Variants in BRINP3 observed in about 807,000 individuals in gnomAD.
BRINP3 encodes BMP/retinoic acid inducible neural specific 3.
A neutral mutation model predicts 71.0 loss-of-function variants in BRINP3; 19 were observed. That is an observed-to-expected ratio of 0.27 (90% CI 0.19 to 0.39). The LOEUF (loss-of-function observed/expected upper bound fraction) is 0.39. Ranked by LOEUF, BRINP3 falls within the 10% of genes least tolerant of loss-of-function variation. The probability of loss-of-function intolerance (pLI) is 1.00; values close to 1 mark genes in which losing one functional copy is unlikely to be tolerated. For missense variants in BRINP3, 959 were observed against 940.8 expected, an observed-to-expected ratio of 1.02 and a Z score of -0.25; for synonymous variants, 380 against 337.7, an observed-to-expected ratio of 1.13 and a Z score of -1.37.
chr1:190,148,653 TC>T (rs1656122583), intron 7 of BRINP3, among the ~76,000 whole-genome samples: 2 of 147,370 alleles, frequency 1.4e-5, no homozygotes, highest in Non-Finnish European at 3.0e-5. Flanking sequence ...ATAAATAAAT[TC>T]TATCTCCTCA....
At chr1:190,398,464 T>G (rs1423809535) in intron 2 of BRINP3, among the ~76,000 whole-genome samples, 1 of 152,004 alleles carries the variant, frequency 6.6e-6, no homozygotes, top group Non-Finnish European at 1.5e-5. Context: ...TGAATTTGTG[T>G]CTCATGTACT....
At chr1:190,360,016 C>T (rs1381388976) in intron 2 of BRINP3, among the ~76,000 whole-genome samples, 2 of 152,134 alleles carry the variant, frequency 1.3e-5, no homozygotes, top group South Asian at 2.1e-4. Context: ...AGACTCACTT[C>T]AGGCTATAAA....
intron 6 of BRINP3, among the ~76,000 whole-genome samples, chr1:190,219,605 C>T (rs998167036): frequency 1.1e-4 from 16 of 151,668 alleles, no homozygotes; most frequent in African/African-American, 2.7e-4. Flanking sequence ...TTTGGGAGGC[C>T]GAGGTGGGTG....
At chr1:190,344,407 TCAACTATGATTGCTGAATTGGCCATCAA>T (rs1234676936) in intron 2 of BRINP3, among the ~76,000 whole-genome samples, 1 of 151,870 alleles carries the variant, frequency 6.6e-6, no homozygotes, top group Non-Finnish European at 1.5e-5. Context: ...GAGCTGTACT[TCAACTATGATTGCTGAATTGGCCATCAA>T]CAACAGTACC....
chr1:190,441,960 A>G (rs1674851879), intron 2 of BRINP3, among the ~76,000 whole-genome samples: 1 of 152,164 alleles, frequency 6.6e-6, no homozygotes, highest in Admixed American at 6.5e-5. Flanking sequence ...ATAAATGGGA[A>G]TTAGAAAGCA....
intron 3 of BRINP3, among the ~76,000 whole-genome samples, chr1:190,279,630 C>T (rs1360013058): frequency 1.3e-5 from 2 of 151,774 alleles, no homozygotes; most frequent in Non-Finnish European, 2.9e-5. Context: ...CCTTAGCCGC[C>T]TATATTTTTC....
Position 190,100,196 on chromosome 1 carries a change from G to A in BRINP3, c.1185-1062C>T, listed in dbSNP as rs200733478. On this transcript the variant is annotated intron_variant, in intron 7 of 7. Coordinates refer to ENST00000367462, the MANE Select transcript of BRINP3 (RefSeq NM_199051.3). ...AATATTGCAAAGTGTCTGTTTCACAGTAGATACACAACAATTCCATTTTTG... is the reference window on the plus strand; with the variant it reads ...AATATTGCAAAGTGTCTGTTTCACAATAGATACACAACAATTCCATTTTTG... Among the ~76,000 whole-genome samples the A allele has an allele frequency of 1.4e-4, 22 of 152,268 alleles. No individual in the cohort carries two copies. The East Asian group carries it at 4.2e-3, about 29-fold the overall frequency.
intron 2 of BRINP3, among the ~76,000 whole-genome samples, chr1:190,412,915 G>A (rs1672786535): frequency 6.6e-6 from 1 of 152,016 alleles, no homozygotes; most frequent in African/African-American, 2.4e-5. Context: ...AAGAAAGGGA[G>A]AGAGAGAAAG....
chr1:190,382,429 C>T (rs1015340324), intron 2 of BRINP3, among the ~76,000 whole-genome samples: 1 of 152,016 alleles, frequency 6.6e-6, no homozygotes, highest in African/African-American at 2.4e-5. Flanking sequence ...TGAGTCTTAG[C>T]AAATTCATAC....
At chr1:190,327,326 CAA>C (rs1227478693) in intron 2 of BRINP3, among the ~76,000 whole-genome samples, 21 of 44,244 alleles carry the variant, frequency 4.7e-4, no homozygotes, top group South Asian at 8.0e-4. Context: ...AAAAAAAGAA[CAA>C]AAAAAAAAAA....
chr1:190,148,087 A>AATGATTGAT (rs1656049902), intron 7 of BRINP3, among the ~76,000 whole-genome samples: 2 of 152,202 alleles, frequency 1.3e-5, no homozygotes, highest in African/African-American at 4.8e-5. Flanking sequence ...AGTAGCTAAA[A>AATGATTGAT]ATGATTGATA....
intron 7 of BRINP3, among the ~76,000 whole-genome samples, chr1:190,130,562 G>A (rs1405874729): frequency 6.6e-6 from 1 of 151,910 alleles, no homozygotes; most frequent in Non-Finnish European, 1.5e-5. Context: ...AATGTTTGCT[G>A]AGCACTTTTC....
chr1:190,172,605 C>T (rs1322238138), intron 6 of BRINP3, among the ~76,000 whole-genome samples: 4 of 152,144 alleles, frequency 2.6e-5, no homozygotes, highest in African/African-American at 7.2e-5. Flanking sequence ...TTATTATGAA[C>T]TTGGCACCAT....
chr1:190,348,625 T>C (rs1391453890), intron 2 of BRINP3, among the ~76,000 whole-genome samples: 2 of 152,170 alleles, frequency 1.3e-5, no homozygotes, highest in African/African-American at 4.8e-5. Context: ...ATTTTCATGA[T>C]CTAAATGACC....
intron 6 of BRINP3, among the ~76,000 whole-genome samples, chr1:190,204,046 A>G (rs566395752): frequency 6.6e-6 from 1 of 151,594 alleles, no homozygotes; most frequent in South Asian, 2.1e-4. Flanking sequence ...TAAGCTATTA[A>G]AACATTTGGG....
chr1:190,410,730 T>A lies in BRINP3; in HGVS notation c.236+43925A>T, dbSNP rs115650084. The stretch of plus-strand genomic sequence containing the variant: ...GAAGCAATGTTTCCAGAAAGGGTAT[T>A]TATTAACAAAGTGCAATGCAGCTAA... On this transcript the variant is annotated intron_variant, in intron 2 of 7. Coordinates refer to ENST00000367462, the MANE Select transcript of BRINP3 (RefSeq NM_199051.3). Among the ~76,000 whole-genome samples, 1,005 of 152,222 alleles carry A rather than the reference T, an allele frequency of 6.6e-3. 8 individuals carry two copies. The highest frequency in any genetic ancestry group is 0.023 in the African/African-American group (946 of 41,560).
intron 7 of BRINP3, among the ~76,000 whole-genome samples, chr1:190,145,952 A>T (rs1655852652): frequency 1.3e-5 from 2 of 152,196 alleles, no homozygotes; most frequent in Admixed American, 1.3e-4. Flanking sequence ...TTGCTCAGGA[A>T]TGGAAAAACC....
chr1:190,153,255 T>A (rs902062573), intron 7 of BRINP3, among the ~76,000 whole-genome samples: 1 of 152,164 alleles, frequency 6.6e-6, no homozygotes, highest in Admixed American at 6.6e-5. Flanking sequence ...AACAGTTTGT[T>A]TGCATTTAGA....
chr1:190,277,320 A>G (rs1662671497), intron 3 of BRINP3, among the ~76,000 whole-genome samples: 1 of 150,726 alleles, frequency 6.6e-6, no homozygotes, highest in East Asian at 2.0e-4. Context: ...TTGTCAGGAG[A>G]TCACAGGCTT....
Sources: allele counts gnomAD v4.1 joint callset (sites outside exome capture counted in the v4.1 genomes callset), GRCh38; gene constraint gnomAD v4.1.1; transcripts MANE v1.5; gene names NCBI Gene and HGNC (gene_info 2026-07-23, HGNC 2026-07-21).